Variants in ITSN2 observed in about 807,000 individuals in gnomAD.
ITSN2 encodes intersectin-2.
Under a neutral mutation model 243.7 loss-of-function variants are expected in ITSN2, and 156 were observed. That is an observed-to-expected ratio of 0.64 (90% CI 0.56 to 0.73). ITSN2 has a LOEUF of 0.73. ITSN2 is among the 30% of genes least tolerant of loss of function. The probability of loss-of-function intolerance (pLI) is 0.00; values close to 1 mark genes in which losing one functional copy is unlikely to be tolerated. For synonymous variants in ITSN2, 703 were observed against 699.9 expected (o/e 1.00, Z -0.07); for missense variants, 1,801 against 1,996.1 (o/e 0.90, Z 1.86).
chr2:24,294,547 T>G (rs539090412), intron 14 of ITSN2, among the ~76,000 whole-genome samples: 1 of 152,168 alleles, frequency 6.6e-6, no homozygotes, highest in Non-Finnish European at 1.5e-5. Flanking sequence ...GTAAGAGAAA[T>G]TGGGTAAGAG....
intron 1 of ITSN2, among the ~76,000 whole-genome samples, chr2:24,333,910 G>A (rs1367428486): frequency 6.6e-6 from 1 of 152,128 alleles, no homozygotes; most frequent in Admixed American, 6.5e-5. Context: ...TGTTTTTTGA[G>A]ACAGAGTCTC....
intron 1 of ITSN2, among the ~76,000 whole-genome samples, chr2:24,338,530 G>C (rs1686702905): frequency 6.6e-6 from 1 of 152,224 alleles, no homozygotes; most frequent in Non-Finnish European, 1.5e-5. Flanking sequence ...ATTTTAGAGA[G>C]TTTGGTTCTT....
chr2:24,220,785 T>C, intron 30 of ITSN2, 160 bp downstream of exon 30: 1 of 1,424,830 alleles, frequency 7.0e-7, no homozygotes, highest in Non-Finnish European at 9.1e-7. Context: ...AGAGACAGCA[T>C]TTGGAGGATG....
chr2:24,238,749 T>C (rs1672432782), intron 29 of ITSN2, among the ~76,000 whole-genome samples: 1 of 152,190 alleles, frequency 6.6e-6, no homozygotes. Flanking sequence ...AATCAAATTA[T>C]CTTCATCTTG....
chr2:24,349,282 T>C (rs1185390820), intron 1 of ITSN2, among the ~76,000 whole-genome samples: 1 of 152,196 alleles, frequency 6.6e-6, no homozygotes, highest in Non-Finnish European at 1.5e-5. Flanking sequence ...GAAAACATCC[T>C]TCACTCACAA....
chr2:24,220,950 C>G lies in ITSN2; in HGVS notation c.3694G>C (p.Val1232Leu), dbSNP rs150580767. The change falls in exon 30 of 40, where the codon GTC becomes CTC. Residue 1232 changes from valine (V) to leucine (L), a missense_variant. This residue lies in a region of ITSN2 where 928 missense variants were observed against 1,065.4 expected (regional missense o/e 0.87). Transcript: ENST00000355123. ...GCCAGCAGCAGCCTCCTCACCTCGA[C>G]GACGAGCTGAAGGTCAGCCATGTAC... is the stretch of plus-strand genomic sequence containing the variant. ...ERYMADLQLV[V>L]EVFQKRMAES... 1.1e-5 allele frequency: 18 copies of G among 1,596,932 alleles called. No individual in the cohort carries two copies. In the African/African-American group the frequency reaches 2.4e-4, roughly 22 times the overall value.
intron 9 of ITSN2, 108 bp downstream of exon 9, chr2:24,303,691 A>G: frequency 1.3e-6 from 1 of 768,134 alleles, no homozygotes; most frequent in Non-Finnish European, 2.3e-6. Context: ...AGCATCTCTG[A>G]GTCACAAACT....
chr2:24,218,810 T>C (rs904993518), intron 30 of ITSN2, among the ~76,000 whole-genome samples: 2 of 152,206 alleles, frequency 1.3e-5, no homozygotes, highest in African/African-American at 2.4e-5. Flanking sequence ...CTGAGATTCC[T>C]AGGGAATGAC....
At chr2:24,317,995 A>T (rs1684123483) in intron 2 of ITSN2, among the ~76,000 whole-genome samples, 2 of 152,142 alleles carry the variant, frequency 1.3e-5, no homozygotes, top group South Asian at 4.2e-4. Context: ...GGCAAGATTG[A>T]GCAGAAGGTA....
chr2:24,298,630 C>A, intron 13 of ITSN2, 35 bp downstream of exon 13: 1 of 1,580,814 alleles, frequency 6.3e-7, no homozygotes, highest in Non-Finnish European at 8.6e-7. Context: ...GCTCCATCAT[C>A]ATTCAGATAA....
At chr2:24,206,260 A>G in intron 37 of ITSN2, 1 of 436,812 alleles carries the variant, frequency 2.3e-6, no homozygotes, top group Admixed American at 2.9e-5. Flanking sequence ...GGAGTATATA[A>G]CAAAATGGGG....
At position 24,303,678 on chromosome 2, in the gene ITSN2, T is replaced by C. The variant is rs1337493075; in HGVS notation, c.857+121A>G. On this transcript the variant is annotated intron_variant, in intron 9 of 39. Transcript: ENST00000355123. ...ACTAACTTTCAAATGGCTGCTTTTA[T>C]AGAGCATCTCTGAGTCACAAACTTT... The C allele has an allele frequency of 7.1e-6, 5 of 699,994 alleles. No homozygotes were observed. In the African/African-American group the frequency reaches 7.2e-5, roughly 10 times the overall value. 43.4% of individuals were successfully genotyped at this position (699,994 alleles called of 1,614,324 possible). A position where few individuals can be genotyped will look rare whatever the true frequency, so the allele number is the denominator to read the frequency against.
chr2:24,255,353 G>C (rs1462554176), intron 23 of ITSN2, among the ~76,000 whole-genome samples: 1 of 152,228 alleles, frequency 6.6e-6, no homozygotes, highest in Non-Finnish European at 1.5e-5. Flanking sequence ...ATTCGGCCAG[G>C]TGTGGTGGCA....
In ITSN2 at chr2:24,246,185, C is replaced by G; in HGVS notation, c.3521G>C (p.Gly1174Ala). 6.2e-7 allele frequency: 1 copy of G among 1,613,380 alleles called. No individual in the cohort carries two copies. The highest frequency in any genetic ancestry group is 1.1e-5 in the South Asian group (1 of 91,046). Residue 1174 changes from glycine to alanine, a missense_variant, in exon 29 of 40, where the codon GGT (glycine) becomes GCT (alanine). This residue lies in a region of ITSN2 where 928 missense variants were observed against 1,065.4 expected (regional missense o/e 0.87). Coordinates refer to ENST00000355123, the MANE Select transcript of ITSN2 (RefSeq NM_006277.3). ...WWQGEINGVTGLFPSNYVKMT... is the reference protein window; with the variant it reads ...WWQGEINGVTALFPSNYVKMT... ...CTTAACGTAGTTTGAAGGAAAGAGA[C>G]CAGTCACCCCGTTGATCTCTCCTTG...
At chr2:24,221,976 G>A (rs1670487964) in intron 29 of ITSN2, among the ~76,000 whole-genome samples, 1 of 152,222 alleles carries the variant, frequency 6.6e-6, no homozygotes. Flanking sequence ...GCCGGGCATG[G>A]TGGCTCACAC....
intron 25 of ITSN2, among the ~76,000 whole-genome samples, chr2:24,251,817 G>A (rs1279217204): frequency 6.6e-6 from 1 of 151,592 alleles, no homozygotes; most frequent in Non-Finnish European, 1.5e-5. Context: ...TTCTGATACG[G>A]TAAATATCAT....
intron 29 of ITSN2, among the ~76,000 whole-genome samples, chr2:24,228,884 C>T (rs1350957879): frequency 6.6e-6 from 1 of 152,086 alleles, no homozygotes; most frequent in African/African-American, 2.4e-5. Flanking sequence ...AAAATCAGGT[C>T]ATAGAAGTGT....
At chr2:24,252,270 T>C (rs1674441981) in intron 25 of ITSN2, 75 bp downstream of exon 25, 4 of 1,095,544 alleles carry the variant, frequency 3.7e-6, no homozygotes, top group Middle Eastern at 2.1e-4. Flanking sequence ...AATGGGTTGA[T>C]TTTATTTTTA....
At chr2:24,277,534 C>T (rs1678166543) in intron 17 of ITSN2, among the ~76,000 whole-genome samples, 1 of 152,098 alleles carries the variant, frequency 6.6e-6, no homozygotes, top group African/African-American at 2.4e-5. Flanking sequence ...TTTGTTGTAC[C>T]TTTCTCTAAA....
Sources: gnomAD v4.1 joint callset for allele counts (sites outside exome capture counted in the v4.1 genomes callset) on GRCh38, gnomAD v4.1.1 for gene constraint, gnomAD v4.1.1 regional missense constraint, MANE v1.5 for transcripts, NCBI Gene and HGNC (gene_info 2026-07-23, HGNC 2026-07-21) for gene names.